DMD: variants seen among roughly 807,000 people sequenced by gnomAD.
DMD encodes mutant dystrophin.
DMD carries 63 observed loss-of-function variants against 330.1 expected under a neutral mutation model. That is an observed-to-expected ratio of 0.19 (90% CI 0.16 to 0.24). The LOEUF is 0.24. DMD is among the 10% of genes least tolerant of loss of function. The pLI, the probability that DMD is intolerant of heterozygous loss-of-function variation, is 1.00. For synonymous variants in DMD, 1,223 were observed against 959.8 expected (o/e 1.27, Z -5.07); for missense variants, 3,344 against 2,684.1 (o/e 1.25, Z -5.43).
At chrX:32,399,322 T>G (rs1221905680) in intron 30 of DMD, among the ~76,000 whole-genome samples, 2 of 111,385 alleles carry the variant, frequency 1.8e-5, no homozygotes, top group Non-Finnish European at 3.8e-5. Flanking sequence ...GAGAAAATAT[T>G]TCCAAACTAC....
At chrX:31,337,110 A>G (rs1370638107) in intron 61 of DMD, among the ~76,000 whole-genome samples, 1 of 109,140 alleles carries the variant, frequency 9.2e-6, no homozygotes, top group Non-Finnish European at 1.9e-5. Context: ...TCTTTAGTAG[A>G]GACAGGGTTT....
chrX:32,901,109 T>G (rs2086198771), intron 2 of DMD, among the ~76,000 whole-genome samples: 1 of 111,589 alleles, frequency 9.0e-6, no homozygotes, highest in Non-Finnish European at 1.9e-5. Context: ...TTTTGATTAT[T>G]TATAAAAGAA....
intron 2 of DMD, among the ~76,000 whole-genome samples, chrX:32,969,210 T>TTCCTTTTTG (rs2092297804): frequency 1.1e-5 from 1 of 91,558 alleles, no homozygotes; most frequent in African/African-American, 4.9e-5. Context: ...CTGCTCTTTA[T>TTCCTTTTTG]AAACCACCCA....
At chrX:32,501,666 G>A (rs939465906) in intron 19 of DMD, 89 bp downstream of exon 19, 37 of 657,387 alleles carry the variant, frequency 5.6e-5, no homozygotes, top group African/African-American at 1.7e-4. Context: ...TTTAACAAGT[G>A]CTTGTCTGAT....
intron 48 of DMD, among the ~76,000 whole-genome samples, chrX:31,861,408 C>T (rs1051802141): frequency 5.5e-5 from 6 of 109,900 alleles, no homozygotes; most frequent in Non-Finnish European, 9.5e-5. Context: ...TTTGACGCAG[C>T]CATTCGACGG....
chrX:32,255,843 A>G (rs58260214), intron 43 of DMD, among the ~76,000 whole-genome samples: 1,242 of 111,892 alleles, frequency 0.011, 14 homozygotes, highest in African/African-American at 0.037. Context: ...TCCCTATATC[A>G]ATGCGATGTT....
chrX:32,790,795 T>C (rs1028738585), intron 7 of DMD, among the ~76,000 whole-genome samples: 1 of 111,455 alleles, frequency 9.0e-6, no homozygotes, highest in Non-Finnish European at 1.9e-5. Flanking sequence ...AGGCAACTGC[T>C]TATGGCTGCT....
chrX:31,791,214 A>G (rs2091554318), intron 50 of DMD, among the ~76,000 whole-genome samples: 1 of 112,370 alleles, frequency 8.9e-6, no homozygotes, highest in South Asian at 3.7e-4. Context: ...GTTGCCAAAC[A>G]ATGATATCTC....
intron 63 of DMD, among the ~76,000 whole-genome samples, chrX:31,243,479 T>C (rs758007111): frequency 9.8e-5 from 11 of 112,380 alleles, no homozygotes; most frequent in Non-Finnish European, 2.1e-4. Context: ...AAGTGTGTAT[T>C]ATATCAGAAA....
chrX:31,471,208 G>T (rs7064750), intron 59 of DMD, among the ~76,000 whole-genome samples: 12,105 of 110,949 alleles, frequency 0.11, 500 homozygotes, highest in East Asian at 0.2. Context: ...TGAAAAAAAC[G>T]CCTGCAGCTA....
At chrX:32,411,644 A>C in intron 30 of DMD, 108 bp downstream of exon 30, 1 of 949,285 alleles carries the variant, frequency 1.1e-6, no homozygotes, top group South Asian at 2.0e-5. Flanking sequence ...GTGAATCAAA[A>C]CAACCCCATG....
At position 32,724,770 on chromosome X, in the gene DMD, G is replaced by A. The variant is rs183648696; in HGVS notation, c.650-25477C>T. 3.0e-3 allele frequency among the ~76,000 whole-genome samples: 335 copies of A among 111,686 alleles called. 3 individuals carry two copies. The highest frequency in any genetic ancestry group is 0.01 in the African/African-American group (324 of 30,906). On this transcript the variant is annotated intron_variant, in intron 7 of 78. Transcript: ENST00000357033. ...AATGATGAACTAAAAATACTAACCT[G>A]TTATAAATTACATCAGTAATCTTTC...
At chrX:33,329,114 A>C (rs898791258) in intron 1 of DMD, among the ~76,000 whole-genome samples, 1 of 111,978 alleles carries the variant, frequency 8.9e-6, no homozygotes, top group African/African-American at 3.2e-5. Flanking sequence ...TTACTAATGA[A>C]AGTTGGGAGG....
intron 52 of DMD, among the ~76,000 whole-genome samples, chrX:31,728,194 T>A (rs1270230279): frequency 9.0e-6 from 1 of 111,178 alleles, no homozygotes; most frequent in Non-Finnish European, 1.9e-5. Flanking sequence ...GGCTAATTTT[T>A]TTTTGTATTT....
chrX:33,009,133 T>TGC (rs1491493932), intron 2 of DMD, among the ~76,000 whole-genome samples: 10 of 25,174 alleles, frequency 4.0e-4, no homozygotes, highest in East Asian at 1.9e-3. Flanking sequence ...CGTATATATG[T>TGC]ATATATATGT....
rs1457167200 is a variant in DMD at position 33,312,685 on chromosome X, G to A, written c.7+26574C>T. On this transcript the variant is annotated intron_variant, in intron 1 of 17. Coordinates refer to the DMD transcript ENST00000288447. ...GAAATACAATGATAGATTTCTGGGA[G>A]CCTCTGCTCATAACATTTTTGTGAA... 8.1e-5 allele frequency among the ~76,000 whole-genome samples: 9 copies of A among 111,668 alleles called. No individual in the cohort carries two copies. The Admixed American group carries it at 8.6e-4, about 11-fold the overall frequency.
chrX:32,068,373 C>CTTTT (rs1569539146), intron 44 of DMD, among the ~76,000 whole-genome samples: 13 of 60,462 alleles, frequency 2.2e-4, no homozygotes, highest in African/African-American at 9.9e-4. Context: ...CCTTGCTTGT[C>CTTTT]ATTTTTTTTT....
chrX:32,891,012 CATT>C (rs766091286), intron 2 of DMD, among the ~76,000 whole-genome samples: 3 of 112,086 alleles, frequency 2.7e-5, no homozygotes, highest in Non-Finnish European at 5.6e-5. Context: ...TAAAATGTCT[CATT>C]AAGTCTTTTT....
At chrX:32,918,055 G>A (rs376030759) in intron 2 of DMD, among the ~76,000 whole-genome samples, 1 of 110,377 alleles carries the variant, frequency 9.1e-6, no homozygotes, top group East Asian at 2.8e-4. Flanking sequence ...TAGGGACTTG[G>A]CAGTCCCTAG....
Sources: gnomAD v4.1 joint callset for allele counts (sites outside exome capture counted in the v4.1 genomes callset) on GRCh38, gnomAD v4.1.1 for gene constraint, MANE v1.5 for transcripts, NCBI Gene and HGNC (gene_info 2026-07-23, HGNC 2026-07-21) for gene names.